The following NLRP11 variants were observed in gnomAD, a reference collection of about 807,000 sequenced individuals.
NLRP11 encodes the protein NACHT, LRR and PYD domains-containing protein 11.
Under a neutral mutation model 79.3 loss-of-function variants are expected in NLRP11, and 53 were observed. The ratio of observed to expected loss-of-function variants is 0.67; its 90% CI spans 0.54 to 0.84. NLRP11 has a LOEUF of 0.84. Among genes scored for constraint, NLRP11 ranks in the 40% least tolerant of loss-of-function variants. The probability of loss-of-function intolerance (pLI) is 0.00; values close to 1 mark genes in which losing one functional copy is unlikely to be tolerated. For missense variants in NLRP11, 1,264 were observed against 1,255.0 expected, an observed-to-expected ratio of 1.01 and a Z score of -0.11; for synonymous variants, 518 against 462.6, an observed-to-expected ratio of 1.12 and a Z score of -1.54.
At chr19:55,814,454 G>A (rs1980893767) in intron 2 of NLRP11, among the ~76,000 whole-genome samples, 1 of 152,076 alleles carries the variant, frequency 6.6e-6, no homozygotes, top group African/African-American at 2.4e-5. Flanking sequence ...CCGTGAAACT[G>A]GTGCCAAAAA....
exon 7 of NLRP11, chr19:55,792,330 C>A: frequency 6.2e-7 from 1 of 1,614,164 alleles, no homozygotes; most frequent in Non-Finnish European, 8.5e-7. Context: ...AGGTTGGAAA[C>A]AGCAAGGGAA....
At chr19:55,785,466 A>C (rs1189494666) in exon 10 of NLRP11, 2 of 651,282 alleles carry the variant, frequency 3.1e-6, no homozygotes, top group Non-Finnish European at 5.3e-6. Context: ...ACAGTGTAGG[A>C]ATTTGAAGTG....
chr19:55,796,313 TA>T (rs35540760), intron 5 of NLRP11, 63 bp from the exon 6 acceptor site: 138,598 of 989,180 alleles, frequency 0.14, 718 homozygotes, highest in African/African-American at 0.21. Context: ...TCTTTTAAAT[TA>T]AAAAAAAAAA....
rs760793258 is a variant in NLRP11, at chr19:55,818,129, C to CTA, written c.44_45dup (p.Glu16Ter). 12 of 1,614,064 alleles carry CTA rather than the reference C, an allele frequency of 7.4e-6. No homozygotes were observed. The highest frequency in any genetic ancestry group is 1.3e-5 in the African/African-American group (1 of 75,036). ...TGAAATTCCTTGTCACTGAGATTCT[C>CTA]TAGATACCACAGCAGGTCAAAGTCA... On this transcript the variant is annotated frameshift_variant, in exon 2 of 10. Coordinates refer to ENST00000589093, the Ensembl canonical transcript of NLRP11. LOFTEE classifies it high-confidence loss of function.
chr19:55,822,537 C>A (rs889341423), intron 1 of NLRP11, among the ~76,000 whole-genome samples: 1 of 151,792 alleles, frequency 6.6e-6, no homozygotes, highest in African/African-American at 2.4e-5. Flanking sequence ...AGACAGTGGG[C>A]GCAGGTCAGT....
At chr19:55,799,926 CACTG>C (rs1196932349) in intron 5 of NLRP11, among the ~76,000 whole-genome samples, 1 of 152,090 alleles carries the variant, frequency 6.6e-6, no homozygotes, top group African/African-American at 2.4e-5. Flanking sequence ...GAGATCACAC[CACTG>C]CACTCCAGCC....
chr19:55,801,781 G>C (rs1208311670), intron 4 of NLRP11, 42 bp from the exon 5 acceptor site: 1 of 1,550,014 alleles, frequency 6.5e-7, no homozygotes, highest in Non-Finnish European at 8.9e-7. Flanking sequence ...GTGAAGGTCT[G>C]AACATCTTCT....
chr19:55,788,867 T>A, exon 9 of NLRP11: 1 of 1,595,244 alleles, frequency 6.3e-7, no homozygotes. Context: ...TGCAACTCCA[T>A]CATTGCCCAA....
intron 4 of NLRP11, among the ~76,000 whole-genome samples, chr19:55,806,121 C>T (rs1432308920): frequency 6.6e-6 from 1 of 152,210 alleles, no homozygotes; most frequent in Admixed American, 6.5e-5. Flanking sequence ...TGCTTTTCTC[C>T]CCAATCACTT....
intron 9 of NLRP11, among the ~76,000 whole-genome samples, chr19:55,787,730 T>C (rs1377699638): frequency 1.3e-5 from 2 of 152,194 alleles, no homozygotes. Context: ...TAACAAACTC[T>C]ATTGCCTTGA....
rs368330473 is a variant in NLRP11 at position 55,813,540 on chromosome 19, G to A, written c.272-3202C>T. ...CCTTTTGCAATTACTACTGCGATAT[G>A]TCGAGCCATCCCAGAAGAGGTACTG... On this transcript the variant is annotated intron_variant, in intron 2 of 9. Coordinates refer to ENST00000589093, the Ensembl canonical transcript of NLRP11. 7.2e-5 allele frequency among the ~76,000 whole-genome samples: 11 copies of A among 152,266 alleles called. 1 individual carries two copies. The highest frequency in any genetic ancestry group is 3.9e-4 in the Admixed American group (6 of 15,294).
intron 1 of NLRP11, among the ~76,000 whole-genome samples, chr19:55,823,006 T>C (rs1195712465): frequency 6.6e-6 from 1 of 151,012 alleles, no homozygotes; most frequent in Non-Finnish European, 1.5e-5. Context: ...CAGACTTAAA[T>C]GTCCCTGTCT....
chr19:55,794,723 G>C (rs141759670), intron 6 of NLRP11, among the ~76,000 whole-genome samples: 1 of 151,570 alleles, frequency 6.6e-6, no homozygotes, highest in African/African-American at 2.4e-5. Flanking sequence ...TCGCGCCACC[G>C]CACTCCAGCC....
chr19:55,798,511 G>C (rs1979160739), intron 5 of NLRP11, among the ~76,000 whole-genome samples: 1 of 152,102 alleles, frequency 6.6e-6, no homozygotes, highest in Non-Finnish European at 1.5e-5. Flanking sequence ...GCCGACTTGA[G>C]GGCTGAGATT....
intron 7 of NLRP11, among the ~76,000 whole-genome samples, chr19:55,790,222 A>G (rs1045360349): frequency 1.3e-5 from 2 of 152,196 alleles, no homozygotes; most frequent in African/African-American, 2.4e-5. Context: ...AAAAGTTTCC[A>G]TAGCAGTTTT....
chr19:55,802,402 G>A (rs766436775), intron 4 of NLRP11, among the ~76,000 whole-genome samples: 2 of 152,106 alleles, frequency 1.3e-5, no homozygotes, highest in Non-Finnish European at 2.9e-5. Flanking sequence ...GAGCCAAATC[G>A]GAAATGTAAT....
At chr19:55,793,555 C>CAAAAAAAAAAAAAAAAAA (rs1385442204) in intron 6 of NLRP11, among the ~76,000 whole-genome samples, 1 of 30,668 alleles carries the variant, frequency 3.3e-5, no homozygotes, top group Non-Finnish European at 5.7e-5. Flanking sequence ...GTGACTGTCT[C>CAAAAAAAAAAAAAAAAAA]CAAAAAAAAA....
intron 1 of NLRP11, among the ~76,000 whole-genome samples, chr19:55,819,280 A>G (rs1274703342): frequency 6.6e-6 from 1 of 152,014 alleles, no homozygotes; most frequent in Non-Finnish European, 1.5e-5. Flanking sequence ...GCCCCTGGCC[A>G]GGCTCCTGCT....
chr19:55,796,328 AGAG>A (rs1978867862), intron 5 of NLRP11, 78 bp from the exon 6 acceptor site: 1 of 1,149,532 alleles, frequency 8.7e-7, no homozygotes, highest in Non-Finnish European at 1.2e-6. Flanking sequence ...AAAAAAAAAA[AGAG>A]AGACCTAACC....
Sources: allele counts gnomAD v4.1 joint callset (sites outside exome capture counted in the v4.1 genomes callset), GRCh38; gene constraint gnomAD v4.1.1; transcripts MANE v1.5; gene names NCBI Gene and HGNC (gene_info 2026-07-23, HGNC 2026-07-21).